SYNPR: variants seen among roughly 807,000 people sequenced by gnomAD.
SYNPR encodes synaptoporin.
A neutral mutation model predicts 32.9 loss-of-function variants in SYNPR; 23 were observed. That is an observed-to-expected ratio of 0.70 (90% CI 0.50 to 0.99). SYNPR has a LOEUF of 0.99. SYNPR is among the 50% of genes least tolerant of loss of function. The pLI is 0.00. For synonymous variants in SYNPR, 146 were observed against 135.9 expected, an observed-to-expected ratio of 1.07 and a Z score of -0.52; for missense variants, 318 against 349.3, an observed-to-expected ratio of 0.91 and a Z score of 0.71.
intron 4 of SYNPR, among the ~76,000 whole-genome samples, chr3:63,591,188 CA>C (rs1178957400): frequency 6.8e-6 from 1 of 147,034 alleles, no homozygotes; most frequent in African/African-American, 2.5e-5. Flanking sequence ...TTTATGCAGC[CA>C]AAAAACACAT....
chr3:63,496,379 C>G (rs897387908), intron 3 of SYNPR, among the ~76,000 whole-genome samples: 1 of 151,980 alleles, frequency 6.6e-6, no homozygotes, highest in African/African-American at 2.4e-5. Context: ...GACCTCATAG[C>G]TATACTATAA....
intron 2 of SYNPR, among the ~76,000 whole-genome samples, chr3:63,293,161 C>A (rs909787604): frequency 9.9e-5 from 15 of 152,178 alleles, no homozygotes; most frequent in African/African-American, 3.4e-4. Context: ...TACATACTTT[C>A]ATTCAGATCT....
intron 3 of SYNPR, among the ~76,000 whole-genome samples, chr3:63,540,341 T>G (rs1362292246): frequency 6.6e-6 from 1 of 151,972 alleles, no homozygotes; most frequent in Admixed American, 6.6e-5. Flanking sequence ...AAGGAAGTGG[T>G]GGAGATTTTA....
intron 1 of SYNPR, among the ~76,000 whole-genome samples, chr3:63,244,518 A>G (rs534360604): frequency 7.9e-5 from 12 of 152,206 alleles, no homozygotes; most frequent in Admixed American, 2.0e-4. Context: ...AGGCCTGTTC[A>G]ATCCCTGCTC....
intron 4 of SYNPR, among the ~76,000 whole-genome samples, chr3:63,558,743 T>C (rs1297963647): frequency 2.6e-5 from 4 of 152,068 alleles, no homozygotes; most frequent in African/African-American, 9.7e-5. Context: ...CCAAAAGAAA[T>C]GTAATACTTA....
At chr3:63,348,792 T>C (rs934408612) in intron 2 of SYNPR, among the ~76,000 whole-genome samples, 9 of 152,232 alleles carry the variant, frequency 5.9e-5, no homozygotes, top group African/African-American at 2.2e-4. Context: ...GGACATTCTT[T>C]CTCCAGTATG....
At chr3:63,443,826 C>T (rs933009761) in intron 2 of SYNPR, among the ~76,000 whole-genome samples, 2 of 152,158 alleles carry the variant, frequency 1.3e-5, no homozygotes, top group African/African-American at 4.8e-5. Context: ...ATTCATTGTG[C>T]TGCAACCTGC....
intron 2 of SYNPR, among the ~76,000 whole-genome samples, chr3:63,442,730 C>T (rs949931362): frequency 2.0e-5 from 3 of 152,112 alleles, no homozygotes; most frequent in African/African-American, 7.2e-5. Flanking sequence ...TAATCTGTCC[C>T]TTCTACAGTT....
chr3:63,539,288 T>A (rs981857164), intron 3 of SYNPR, among the ~76,000 whole-genome samples: 1 of 152,162 alleles, frequency 6.6e-6, no homozygotes, highest in South Asian at 2.1e-4. Context: ...GTTATTTTTA[T>A]AAATAAACCC....
chr3:63,544,137 G>A (rs182387184), intron 3 of SYNPR, among the ~76,000 whole-genome samples: 3 of 152,128 alleles, frequency 2.0e-5, no homozygotes, highest in Admixed American at 6.6e-5. Flanking sequence ...GTTGCTGTGC[G>A]GAAAATGAAT....
chr3:63,363,359 T>C (rs1035471890), intron 2 of SYNPR, among the ~76,000 whole-genome samples: 3 of 152,208 alleles, frequency 2.0e-5, no homozygotes, highest in African/African-American at 7.2e-5. Context: ...AAACCACCTT[T>C]CAGGATCAGC....
chr3:63,424,986 T>C (rs979615087), intron 2 of SYNPR, among the ~76,000 whole-genome samples: 1 of 152,230 alleles, frequency 6.6e-6, no homozygotes, highest in African/African-American at 2.4e-5. Context: ...CTAGCATATG[T>C]GCCCAATCCC....
chr3:63,601,443 C>T (rs115567499), intron 4 of SYNPR, among the ~76,000 whole-genome samples: 3 of 152,140 alleles, frequency 2.0e-5, no homozygotes, highest in Admixed American at 6.5e-5. Context: ...CCAATTATTT[C>T]GTCATCTAGG....
At chr3:63,575,978 AT>A (rs774295670) in intron 4 of SYNPR, among the ~76,000 whole-genome samples, 3 of 152,138 alleles carry the variant, frequency 2.0e-5, no homozygotes, top group Non-Finnish European at 4.4e-5. Context: ...TCCAAGTGTC[AT>A]TTTTTTATTA....
chr3:63,204,612 C>T, the SYNPR span, among the ~76,000 whole-genome samples: 9 of 152,118 alleles, frequency 5.9e-5, no homozygotes, highest in African/African-American at 1.9e-4. Flanking sequence ...AAGTCTTCAT[C>T]GACTTCTTGA....
intron 2 of SYNPR, among the ~76,000 whole-genome samples, chr3:63,258,699 GA>G (rs1209342686): frequency 1.3e-5 from 2 of 151,956 alleles, no homozygotes; most frequent in Non-Finnish European, 2.9e-5. Flanking sequence ...AAAGCTAGCA[GA>G]AGGCAAGAAA....
At chr3:63,293,245 A>G (rs1054665597) in intron 2 of SYNPR, among the ~76,000 whole-genome samples, 1 of 152,212 alleles carries the variant, frequency 6.6e-6, no homozygotes, top group African/African-American at 2.4e-5. Context: ...TTCAAATCAT[A>G]TCTATCTGAC....
At chr3:63,543,483 T>C (rs1173785069) in intron 3 of SYNPR, among the ~76,000 whole-genome samples, 1 of 152,150 alleles carries the variant, frequency 6.6e-6, no homozygotes, top group Non-Finnish European at 1.5e-5. Context: ...CAGTAGAAGA[T>C]AGGTCTTAAT....
intron 2 of SYNPR, among the ~76,000 whole-genome samples, chr3:63,370,415 A>C (rs1361603514): frequency 2.0e-5 from 3 of 152,244 alleles, no homozygotes; most frequent in Non-Finnish European, 4.4e-5. Flanking sequence ...TTTTCAAAAA[A>C]CACATTGACA....
Sources: allele counts gnomAD v4.1 joint callset (sites outside exome capture counted in the v4.1 genomes callset), GRCh38; gene constraint gnomAD v4.1.1; transcripts MANE v1.5; gene names NCBI Gene and HGNC (gene_info 2026-07-23, HGNC 2026-07-21).